SDK1: variants seen among roughly 807,000 people sequenced by gnomAD.
SDK1 encodes protein sidekick-1.
Under a neutral mutation model 245.5 loss-of-function variants are expected in SDK1, and 157 were observed. The ratio of observed to expected loss-of-function variants is 0.64; its 90% confidence interval spans 0.56 to 0.73. The LOEUF is 0.73. Among genes scored for constraint, SDK1 ranks in the 30% least tolerant of loss-of-function variants. SDK1 has a pLI of 0.00. For synonymous variants in SDK1, 1,647 were observed against 1,278.5 expected (o/e 1.29, Z -6.15); for missense variants, 3,583 against 3,002.3 (o/e 1.19, Z -4.52).
Position 4,132,516 on chromosome 7 carries a change from G to A in SDK1, c.4228+93G>A. On this transcript the variant is annotated intron_variant, in intron 28 of 44. Transcript: ENST00000404826. Reference sequence around the variant, plus strand: ...GCAGGTGGTTTGCTTGAGCCCAGGAGTTCAAGACCAGCCTGGGCAACATTG... The same window carrying A: ...GCAGGTGGTTTGCTTGAGCCCAGGAATTCAAGACCAGCCTGGGCAACATTG... 2.4e-5 allele frequency: 20 copies of A among 816,356 alleles called. 1 individual carries two copies. The South Asian group carries it at 2.8e-4, about 11-fold the overall frequency. 50.6% of individuals were successfully genotyped at this position (816,356 alleles called of 1,614,324 possible).
intron 5 of SDK1, among the ~76,000 whole-genome samples, chr7:3,898,621 A>G (rs1056519701): frequency 6.6e-5 from 10 of 152,214 alleles, no homozygotes; most frequent in African/African-American, 2.2e-4. Flanking sequence ...AACTGCAACA[A>G]AAGAGCAGCA....
In SDK1 at chr7:4,175,780, A is replaced by G; in HGVS notation, c.4942A>G (p.Ser1648Gly). The part of the protein sequence containing the change: ...IALHAELTAQ[S>G]SFKTVNSSST... ...TGCTTTGCTTACCCCAATAGCCCAAAGCAGCTTCAAGACGGTGAACAGCAG... is the reference window on the plus strand; with the variant it reads ...TGCTTTGCTTACCCCAATAGCCCAAGGCAGCTTCAAGACGGTGAACAGCAG... The change falls in exon 34 of 45, where the codon AGC becomes GGC. Residue 1648 changes from serine to glycine, a missense_variant. By Grantham distance (56) the Ser-to-Gly change is moderately conservative (BLOSUM62 0). Coordinates refer to ENST00000404826, the MANE Select transcript of SDK1 (RefSeq NM_152744.4). The G allele has an allele frequency of 6.2e-7, 1 of 1,613,974 alleles. No homozygotes were observed. Among genetic ancestry groups the G allele is most frequent in the Non-Finnish European group, 8.5e-7 (1 of 1,179,970 alleles).
chr7:3,579,899 T>C (rs1780426891), intron 1 of SDK1, among the ~76,000 whole-genome samples: 1 of 152,222 alleles, frequency 6.6e-6, no homozygotes, highest in Admixed American at 6.5e-5. Flanking sequence ...TGAGTCATCA[T>C]CTTGGCCCAA....
At chr7:3,569,484 A>T (rs1323830859) in intron 1 of SDK1, among the ~76,000 whole-genome samples, 2 of 152,370 alleles carry the variant, frequency 1.3e-5, no homozygotes, top group East Asian at 3.9e-4. Context: ...CTGTGATTGA[A>T]TGAGCCCGAG....
intron 4 of SDK1, among the ~76,000 whole-genome samples, chr7:3,800,752 C>T (rs977692809): frequency 6.6e-6 from 1 of 152,108 alleles, no homozygotes; most frequent in Non-Finnish European, 1.5e-5. Flanking sequence ...GTCTGGATCA[C>T]TCCTAAATAT....
chr7:4,183,640 C>CAAAAA (rs548155248), intron 35 of SDK1, among the ~76,000 whole-genome samples: 2 of 73,152 alleles, frequency 2.7e-5, no homozygotes, highest in African/African-American at 9.2e-5. Context: ...GACTCCGTCT[C>CAAAAA]AAAAAAAAAA....
At chr7:3,485,075 C>G (rs371108440) in intron 1 of SDK1, among the ~76,000 whole-genome samples, 5 of 152,142 alleles carry the variant, frequency 3.3e-5, no homozygotes, top group Non-Finnish European at 5.9e-5. Flanking sequence ...GGAGGACCCT[C>G]CATACTGTTT....
chr7:3,938,865 C>G (rs1583591778), intron 5 of SDK1, among the ~76,000 whole-genome samples: 1 of 152,104 alleles, frequency 6.6e-6, no homozygotes, highest in African/African-American at 2.4e-5. Flanking sequence ...TTTTCTCTGC[C>G]CAGTAAAAAG....
intron 5 of SDK1, among the ~76,000 whole-genome samples, chr7:3,900,615 A>G (rs1474852004): frequency 1.3e-5 from 2 of 151,806 alleles, no homozygotes; most frequent in African/African-American, 2.4e-5. Flanking sequence ...TCCCACCTTT[A>G]TTTTGGAAGA....
At chr7:4,121,437 A>G (rs899239673) in intron 25 of SDK1, among the ~76,000 whole-genome samples, 2 of 152,140 alleles carry the variant, frequency 1.3e-5, no homozygotes, top group Admixed American at 6.5e-5. Flanking sequence ...TGATGGTTTT[A>G]TAAGGGGCTC....
intron 1 of SDK1, among the ~76,000 whole-genome samples, chr7:3,469,025 C>T (rs566597997): frequency 1.3e-5 from 2 of 152,204 alleles, no homozygotes; most frequent in South Asian, 2.1e-4. Context: ...GGCTTAAAGG[C>T]CAGTTTTTGC....
At chr7:3,618,246 A>G (rs1366734635) in intron 1 of SDK1, among the ~76,000 whole-genome samples, 1 of 152,164 alleles carries the variant, frequency 6.6e-6, no homozygotes, top group Admixed American at 6.5e-5. Context: ...TTGTAACCAC[A>G]TCAGGAAATA....
chr7:3,792,056 A>G (rs1583418123), intron 4 of SDK1, among the ~76,000 whole-genome samples: 1 of 152,122 alleles, frequency 6.6e-6, no homozygotes, highest in South Asian at 2.1e-4. Context: ...TGAACCCGGG[A>G]GTTCAAGGCT....
intron 2 of SDK1, among the ~76,000 whole-genome samples, chr7:3,626,420 C>A (rs770777546): frequency 3.3e-5 from 5 of 152,182 alleles, no homozygotes; most frequent in Non-Finnish European, 7.3e-5. Context: ...AGCTATTTTT[C>A]TTACTGGACC....
chr7:3,905,411 T>C (rs1239896492), intron 5 of SDK1, among the ~76,000 whole-genome samples: 2 of 152,216 alleles, frequency 1.3e-5, no homozygotes, highest in Admixed American at 6.5e-5. Flanking sequence ...TTTCAATCCT[T>C]TGACACTTTT....
chr7:3,397,842 G>A (rs1778762778), intron 1 of SDK1, among the ~76,000 whole-genome samples: 1 of 151,892 alleles, frequency 6.6e-6, no homozygotes, highest in South Asian at 2.1e-4. Context: ...TTTTCCATTA[G>A]AGCTTTTGGC....
intron 1 of SDK1, among the ~76,000 whole-genome samples, chr7:3,361,214 A>T (rs1235694727): frequency 1.3e-5 from 2 of 152,222 alleles, no homozygotes; most frequent in Admixed American, 6.5e-5. Flanking sequence ...GGGAGATTGA[A>T]ACGGGAGGAT....
At chr7:4,012,015 G>C in intron 15 of SDK1, 80 bp from the exon 16 acceptor site, 3 of 1,217,312 alleles carry the variant, frequency 2.5e-6, no homozygotes, top group Non-Finnish European at 3.2e-6. Flanking sequence ...TCAAGATTCA[G>C]CAAGATAGAT....
At chr7:3,430,055 G>A (rs944246993) in intron 1 of SDK1, among the ~76,000 whole-genome samples, 1 of 152,218 alleles carries the variant, frequency 6.6e-6, no homozygotes, top group African/African-American at 2.4e-5. Flanking sequence ...GGGAATGGTG[G>A]AACTCTGCCT....
Sources: gnomAD v4.1 joint callset for allele counts (sites outside exome capture counted in the v4.1 genomes callset) on GRCh38, gnomAD v4.1.1 for gene constraint, MANE v1.5 for transcripts, NCBI Gene and HGNC (gene_info 2026-07-23, HGNC 2026-07-21) for gene names.